The following WDPCP variants were observed in gnomAD, a reference collection of about 807,000 sequenced individuals.
WDPCP encodes the protein WD repeat-containing and planar cell polarity effector protein fritz homolog.
WDPCP carries 71 observed loss-of-function variants against 93.1 expected under a neutral mutation model. The ratio of observed to expected loss-of-function variants is 0.76; its 90% CI spans 0.63 to 0.93. The LOEUF is 0.93. WDPCP is among the 40% of genes least tolerant of loss of function. The pLI, the probability that WDPCP is intolerant of heterozygous loss-of-function variation, is 0.00. For synonymous variants in WDPCP, 315 were observed against 315.0 expected, an observed-to-expected ratio of 1.00 and a Z score of 0.00; for missense variants, 844 against 887.4, an observed-to-expected ratio of 0.95 and a Z score of 0.62.
chr2:63,835,478 A>T, the WDPCP span, among the ~76,000 whole-genome samples: 1 of 151,644 alleles, frequency 6.6e-6, no homozygotes, highest in Non-Finnish European at 1.5e-5. Flanking sequence ...TAAAGGCCTG[A>T]CCATTTGCAC....
chr2:63,132,881 T>G (rs1670381132), intron 17 of WDPCP, among the ~76,000 whole-genome samples: 1 of 152,204 alleles, frequency 6.6e-6, no homozygotes, highest in South Asian at 2.1e-4. Flanking sequence ...TTATTATTAT[T>G]ATTGAATGGT....
At chr2:63,487,819 A>G (rs1376242481) in intron 2 of WDPCP, among the ~76,000 whole-genome samples, 1 of 152,110 alleles carries the variant, frequency 6.6e-6, no homozygotes, top group Non-Finnish European at 1.5e-5. Context: ...GGGTTCTACC[A>G]AAAGGAACTG....
chr2:63,616,731 GA>G (rs1206845989), intron 3 of WDPCP, among the ~76,000 whole-genome samples: 1 of 151,726 alleles, frequency 6.6e-6, no homozygotes, highest in East Asian at 1.9e-4. Context: ...ACGTGGAGAA[GA>G]AAAAAATCAT....
At chr2:63,546,104 C>A in intron 1 of WDPCP, among the ~76,000 whole-genome samples, 1 of 152,122 alleles carries the variant, frequency 6.6e-6, no homozygotes, top group East Asian at 1.9e-4. Context: ...ACTATATTCA[C>A]TGAAGCAGAA....
rs1284677346 is a variant in WDPCP at position 63,575,482 on chromosome 2, T to C, written c.75+12715A>G. The stretch of plus-strand genomic sequence containing the variant: ...CAGTATATATGCAGTATATACAGTG[T>C]ATATATAGTATATACAGTATATACA... On this transcript the variant is annotated intron_variant, in intron 1 of 17. Coordinates refer to ENST00000272321, the MANE Select transcript of WDPCP (RefSeq NM_015910.7). 1.6e-4 allele frequency among the ~76,000 whole-genome samples: 18 copies of C among 115,934 alleles called. 1 individual carries two copies. Among genetic ancestry groups the C allele is most frequent in the Middle Eastern group, 8.3e-3 (1 of 120 alleles). 76.1% of individuals were successfully genotyped at this position (115,934 alleles called of 152,430 possible). A position where few individuals can be genotyped will look rare whatever the true frequency, so the allele number is the denominator to read the frequency against.
intron 10 of WDPCP, among the ~76,000 whole-genome samples, chr2:63,389,673 A>G (rs1260138577): frequency 6.6e-6 from 1 of 152,206 alleles, no homozygotes; most frequent in Non-Finnish European, 1.5e-5. Context: ...AGAGACACAC[A>G]TAGGCTCAAA....
intron 1 of WDPCP, among the ~76,000 whole-genome samples, chr2:63,522,455 G>GACACACACACACACAC (rs112008719): frequency 6.8e-4 from 86 of 127,274 alleles, no homozygotes; most frequent in African/African-American, 2.1e-3. Flanking sequence ...CAGACAGACA[G>GACACACACACACACAC]ACACACACAC....
At chr2:63,364,852 G>A (rs1690773070) in intron 12 of WDPCP, among the ~76,000 whole-genome samples, 1 of 152,086 alleles carries the variant, frequency 6.6e-6, no homozygotes. Flanking sequence ...TTGCTGTTTA[G>A]TTTATAATGA....
rs146296369 is a variant in WDPCP at position 63,371,668 on chromosome 2, T to A, written c.1748+6718A>T. Among the ~76,000 whole-genome samples the A allele has an allele frequency of 3.1e-3, 468 of 152,204 alleles. 11 individuals are homozygous for A. The highest frequency in any genetic ancestry group is 6.8e-4 in the Non-Finnish European group (46 of 68,000). The stretch of plus-strand genomic sequence containing the variant: ...TTTTTAATAGTATGATTCTTTATTT[T>A]GTAAAACAAGCCTCCACTCCTCCAA... On this transcript the variant is annotated intron_variant, in intron 12 of 17. Coordinates refer to ENST00000272321, the MANE Select transcript of WDPCP (RefSeq NM_015910.7).
chr2:63,485,441 T>C (rs1172384249), intron 4 of WDPCP, among the ~76,000 whole-genome samples: 1 of 150,638 alleles, frequency 6.6e-6, no homozygotes, highest in Non-Finnish European at 1.5e-5. Flanking sequence ...AAAATAAAAC[T>C]GTATGTAAAA....
intron 2 of WDPCP, among the ~76,000 whole-genome samples, chr2:63,794,208 T>G (rs1026654027): frequency 6.6e-6 from 1 of 152,188 alleles, no homozygotes; most frequent in Non-Finnish European, 1.5e-5. Context: ...TCTACTTGTG[T>G]AGTAGACACT....
chr2:63,721,865 G>A (rs1047713477), intron 2 of WDPCP, among the ~76,000 whole-genome samples: 4 of 152,216 alleles, frequency 2.6e-5, no homozygotes, highest in Middle Eastern at 3.4e-3. Context: ...TCAGCCTGCC[G>A]AGTGCCTGCG....
chr2:63,724,474 A>T (rs1045245042), intron 2 of WDPCP, among the ~76,000 whole-genome samples: 1 of 152,218 alleles, frequency 6.6e-6, no homozygotes, highest in Admixed American at 6.5e-5. Context: ...TTAAATAGTC[A>T]TATCTTTAAA....
intron 3 of WDPCP, among the ~76,000 whole-genome samples, chr2:63,641,919 T>C (rs1575736784): frequency 6.6e-6 from 1 of 152,298 alleles, no homozygotes; most frequent in East Asian, 1.9e-4. Context: ...AGATTCATAG[T>C]TTCAGATCTT....
intron 17 of WDPCP, among the ~76,000 whole-genome samples, chr2:63,136,939 T>G (rs556722603): frequency 6.6e-6 from 1 of 152,320 alleles, no homozygotes; most frequent in East Asian, 1.9e-4. Flanking sequence ...ATGTACCACA[T>G]TTTCTTTATC....
chr2:63,624,161 A>C (rs1291128219), intron 3 of WDPCP, among the ~76,000 whole-genome samples: 1 of 152,242 alleles, frequency 6.6e-6, no homozygotes, highest in East Asian at 1.9e-4. Flanking sequence ...AACGTATCAG[A>C]ATCTCTGGGG....
chr2:63,634,701 C>T (rs770074515), intron 3 of WDPCP, among the ~76,000 whole-genome samples: 8 of 151,944 alleles, frequency 5.3e-5, no homozygotes, highest in Non-Finnish European at 7.4e-5. Flanking sequence ...CCAGAACAAT[C>T]AATGGATAAA....
At chr2:63,131,402 T>A (rs1670283542) in intron 17 of WDPCP, among the ~76,000 whole-genome samples, 1 of 152,210 alleles carries the variant, frequency 6.6e-6, no homozygotes. Flanking sequence ...ACGTAACACA[T>A]TTCAAATTTA....
intron 14 of WDPCP, among the ~76,000 whole-genome samples, chr2:63,242,486 G>A (rs1418895948): frequency 6.6e-6 from 1 of 152,090 alleles, no homozygotes; most frequent in African/African-American, 2.4e-5. Context: ...ACCAGGAATG[G>A]TGTTGCACTC....
Sources: allele counts gnomAD v4.1 joint callset (sites outside exome capture counted in the v4.1 genomes callset), GRCh38; gene constraint gnomAD v4.1.1; transcripts MANE v1.5; gene names NCBI Gene and HGNC (gene_info 2026-07-23, HGNC 2026-07-21).